Variants in TMCO4 observed in about 807,000 individuals in gnomAD.
TMCO4 encodes transmembrane and coiled-coil domains 4, also known as transmembrane and coiled-coil domain-containing protein 4.
A neutral mutation model predicts 64.7 loss-of-function variants in TMCO4; 58 were observed. The observed-to-expected ratio is 0.90, with a 90% CI of 0.73 to 1.12. The LOEUF (loss-of-function observed/expected upper bound fraction) is 1.12, where lower values mean the gene tolerates loss of function less well. TMCO4 is among the 50% of genes most tolerant of loss of function. TMCO4 has a pLI of 0.00. For synonymous variants in TMCO4, 325 were observed against 346.1 expected (o/e 0.94, Z 0.68); for missense variants, 780 against 825.9 (o/e 0.94, Z 0.68).
At chr1:19,771,241 G>C in intron 5 of TMCO4, 67 bp downstream of exon 5, 1 of 1,537,492 alleles carries the variant, frequency 6.5e-7, no homozygotes, top group Non-Finnish European at 8.8e-7. Context: ...TGATTTTTTA[G>C]GCTAACATTG....
At chr1:19,696,961 A>G (rs1031343226) in intron 14 of TMCO4, among the ~76,000 whole-genome samples, 5 of 152,156 alleles carry the variant, frequency 3.3e-5, no homozygotes, top group African/African-American at 1.2e-4. Flanking sequence ...TGCCTTGTCA[A>G]TTATGAGCTG....
At chr1:19,739,162 C>T (rs2095468574) in intron 12 of TMCO4, among the ~76,000 whole-genome samples, 2 of 152,210 alleles carry the variant, frequency 1.3e-5, no homozygotes, top group South Asian at 4.1e-4. Context: ...ACAATGCAGT[C>T]ATTTCTGGTA....
chr1:19,715,812 C>A (rs2100707379), intron 13 of TMCO4, among the ~76,000 whole-genome samples: 1 of 152,306 alleles, frequency 6.6e-6, no homozygotes, highest in South Asian at 2.1e-4. Flanking sequence ...CATGTAAGCC[C>A]CGGGCATCTC....
At chr1:19,727,659 A>G (rs1352933615) in intron 13 of TMCO4, among the ~76,000 whole-genome samples, 1 of 152,170 alleles carries the variant, frequency 6.6e-6, no homozygotes, top group Non-Finnish European at 1.5e-5. Flanking sequence ...TAAAAATAGG[A>G]GCTCTGCTAA....
chr1:19,712,111 G>A (rs894739459), intron 13 of TMCO4, among the ~76,000 whole-genome samples: 4 of 152,146 alleles, frequency 2.6e-5, no homozygotes, highest in Admixed American at 6.6e-5. Flanking sequence ...ATCATGTAGG[G>A]CTATTAATTG....
intron 14 of TMCO4, among the ~76,000 whole-genome samples, chr1:19,697,411 C>T (rs1433283105): frequency 6.6e-6 from 1 of 151,126 alleles, no homozygotes; most frequent in African/African-American, 2.4e-5. Context: ...GTGTGCATCA[C>T]CATGCCTGGC....
At position 19,682,719 on chromosome 1, in the gene TMCO4, G is replaced by C; in HGVS notation, c.*321C>G. On this transcript the variant is annotated 3_prime_UTR_variant, in exon 16 of 16. Coordinates refer to ENST00000294543, the MANE Select transcript of TMCO4 (RefSeq NM_181719.7). Reference sequence around the variant, plus strand: ...ATGGACAGCCAGACTCCAAAGCTATGAGAAGTACAGAAAGCCCACAGTTGG... The same window carrying C: ...ATGGACAGCCAGACTCCAAAGCTATCAGAAGTACAGAAAGCCCACAGTTGG... The C allele has an allele frequency of 2.8e-6, 2 of 717,862 alleles. No homozygotes were observed. Among genetic ancestry groups the C allele is most frequent in the Non-Finnish European group, 5.2e-6 (2 of 385,318 alleles). 44.5% of individuals were successfully genotyped at this position (717,862 alleles called of 1,614,324 possible).
chr1:19,748,075 G>C (rs956388672), intron 7 of TMCO4, among the ~76,000 whole-genome samples: 2 of 152,152 alleles, frequency 1.3e-5, no homozygotes, highest in African/African-American at 4.8e-5. Context: ...GCACTTCACA[G>C]GATTAATCTT....
At chr1:19,700,324 A>T (rs982358788) in intron 14 of TMCO4, among the ~76,000 whole-genome samples, 1 of 151,888 alleles carries the variant, frequency 6.6e-6, no homozygotes, top group African/African-American at 2.4e-5. Context: ...CCAAGGCAGC[A>T]CTCAGAAAGC....
Position 19,791,498 on chromosome 1 carries a change from C to T in TMCO4, c.-100-4381G>A, listed in dbSNP as rs1347995902. On this transcript the variant is annotated intron_variant, in intron 2 of 15. Transcript: ENST00000294543. The stretch of plus-strand genomic sequence containing the variant: ...CCCCAAACTCTTCCAGCTGCACAAG[C>T]ATGGGGGCAGCTGTGGTGTGGGAAT... Among the ~76,000 whole-genome samples the T allele has an allele frequency of 7.9e-5, 12 of 152,160 alleles. No homozygotes were observed. In the South Asian group the frequency reaches 2.3e-3, roughly 29 times the overall value.
intron 7 of TMCO4, among the ~76,000 whole-genome samples, chr1:19,751,562 T>C (rs1353175077): frequency 1.3e-5 from 2 of 152,166 alleles, no homozygotes; most frequent in Non-Finnish European, 2.9e-5. Flanking sequence ...GCAGTGATCA[T>C]GCCACTGCAC....
chr1:19,792,602 T>C (rs74058651), intron 2 of TMCO4, among the ~76,000 whole-genome samples: 4,558 of 152,218 alleles, frequency 0.03, 227 homozygotes, highest in African/African-American at 0.1. Context: ...AAATCAAATA[T>C]GGTCAATACC....
intron 4 of TMCO4, among the ~76,000 whole-genome samples, chr1:19,772,285 C>T (rs1364482218): frequency 3.3e-5 from 5 of 152,240 alleles, no homozygotes; most frequent in Non-Finnish European, 7.3e-5. Context: ...GCCATCTGCT[C>T]TCCTGGATGC....
intron 3 of TMCO4, among the ~76,000 whole-genome samples, chr1:19,785,908 C>T (rs1427622728): frequency 6.6e-6 from 1 of 152,114 alleles, no homozygotes; most frequent in Non-Finnish European, 1.5e-5. Context: ...AAGTCACAGG[C>T]TGGGTGGAGA....
chr1:19,709,021 C>T (rs917063158), intron 13 of TMCO4, among the ~76,000 whole-genome samples: 8 of 152,098 alleles, frequency 5.3e-5, no homozygotes, highest in Non-Finnish European at 5.9e-5. Context: ...AAGATACACA[C>T]GTGCACATGA....
At chr1:19,792,765 ATTT>A (rs71579823) in intron 2 of TMCO4, among the ~76,000 whole-genome samples, 918 of 89,660 alleles carry the variant, frequency 0.01, 10 homozygotes, top group African/African-American at 0.035. Flanking sequence ...GTCAAGGTCA[ATTT>A]TTTTTTTTTT....
At chr1:19,773,229 T>A (rs2101034234) in intron 4 of TMCO4, among the ~76,000 whole-genome samples, 1 of 152,158 alleles carries the variant, frequency 6.6e-6, no homozygotes, top group South Asian at 2.1e-4. Flanking sequence ...AATCCCGGCC[T>A]CACCACTGTT....
At position 19,732,875 on chromosome 1, in the gene TMCO4, G is replaced by A. The variant is rs1283905470; in HGVS notation, c.1264+4497C>T. 2.6e-5 allele frequency among the ~76,000 whole-genome samples: 4 copies of A among 152,038 alleles called. No homozygotes were observed. The highest frequency in any genetic ancestry group is 5.9e-5 in the Non-Finnish European group (4 of 68,010). On this transcript the variant is annotated intron_variant, in intron 13 of 15. Coordinates refer to ENST00000294543, the MANE Select transcript of TMCO4 (RefSeq NM_181719.7). This position sits in a 1 kb window ranked among gnomAD's most constrained non-coding sequence, Gnocchi z 4.8. ...AGATTCTTGTTATTTGGAAGGCTTC[G>A]GATCCTAGTTTCTTCTTCTTTTAAA...
Position 19,746,550 on chromosome 1 carries a change from C to A in TMCO4, c.663G>T (p.Thr221=). 2 of 1,611,270 alleles carry A rather than the reference C, an allele frequency of 1.2e-6. No homozygotes were observed. The highest frequency in any genetic ancestry group is 1.7e-6 in the Non-Finnish European group (2 of 1,178,762). The change falls in exon 9 of 16, where the codon ACG becomes ACT. Residue 221 remains threonine, a synonymous_variant. Transcript: ENST00000294543. ...CCGCTGCCCCGGCGCTGCCAATAAT[C>A]GTCGCTGCTCCAGCGGCAACAAGGG... is the stretch of plus-strand genomic sequence containing the variant. ...AAPLVAAGAA[T]IIGSAGAAAL... is the part of the protein sequence containing the mutation.
Sources: allele counts gnomAD v4.1 joint callset (sites outside exome capture counted in the v4.1 genomes callset), GRCh38; gene constraint gnomAD v4.1.1; non-coding constraint Gnocchi (gnomAD v3.1); transcripts MANE v1.5; gene names NCBI Gene and HGNC (gene_info 2026-07-23, HGNC 2026-07-21).